The following FGFR2 variants were observed in gnomAD, a reference collection of about 807,000 sequenced individuals.
FGFR2 encodes the protein fibroblast growth factor receptor 2, also known as BEK fibroblast growth factor receptor.
FGFR2 carries 19 observed loss-of-function variants against 95.9 expected under a neutral mutation model. The ratio of observed to expected loss-of-function variants is 0.20; its 90% confidence interval spans 0.14 to 0.29. The LOEUF is 0.29. Ranked by LOEUF, FGFR2 falls within the 10% of genes least tolerant of loss-of-function variation. The pLI, the probability that FGFR2 is intolerant of heterozygous loss-of-function variation, is 1.00. For synonymous variants in FGFR2, 392 were observed against 393.3 expected (o/e 1.00, Z 0.04); for missense variants, 707 against 1,056.9 (o/e 0.67, Z 4.59).
At chr10:121,526,119 T>C (rs1851336175) in intron 6 of FGFR2, 1 of 398,482 alleles carries the variant, frequency 2.5e-6, no homozygotes, top group African/African-American at 2.1e-5. Flanking sequence ...TAACCTCGCT[T>C]GCTCTGTCTT....
At chr10:121,536,195 G>A (rs1852796104) in intron 6 of FGFR2, among the ~76,000 whole-genome samples, 1 of 152,176 alleles carries the variant, frequency 6.6e-6, no homozygotes, top group Admixed American at 6.5e-5. Flanking sequence ...ACGTCTATAT[G>A]AGCCTCTTTA....
Position 121,518,712 on chromosome 10 carries a change from C to G in FGFR2, c.940-1249G>C, listed in dbSNP as rs774261262. On this transcript the variant is annotated intron_variant, in intron 7 of 17. Transcript: ENST00000358487. This position sits in a 1 kb window ranked among gnomAD's most constrained non-coding sequence, Gnocchi z 4.0. ...TGTTTTGGCAGGACAGTGAGCCAGG[C>G]AGACTGGTTGGCCTGCCCTATATAA... 6.2e-7 allele frequency: 1 copy of G among 1,614,208 alleles called. No homozygotes were observed. The highest frequency in any genetic ancestry group is 8.5e-7 in the Non-Finnish European group (1 of 1,180,042).
At chr10:121,536,876 C>T (rs1040168509) in intron 6 of FGFR2, among the ~76,000 whole-genome samples, 2 of 152,122 alleles carry the variant, frequency 1.3e-5, no homozygotes, top group African/African-American at 4.8e-5. Context: ...CAATAAATTA[C>T]TTAATTTCAA....
chr10:121,551,363 T>G lies in FGFR2; in HGVS notation c.551A>C (p.Asn184Thr), dbSNP rs202212545. The change falls in exon 5 of 18, where the codon AAC becomes ACC. Residue 184 changes from asparagine (N) to threonine (T), a missense_variant. Asn to Thr is a moderately conservative substitution (Grantham distance 65, BLOSUM62 0). Around this residue, in one of 7 missense-constraint regions of FGFR2, gnomAD observed 139 missense variants for 278.1 expected, o/e 0.50. Transcript: ENST00000358487. Reference protein sequence around the residue: ...TVKFRCPAGGNPMPTMRWLKN... With the variant: ...TVKFRCPAGGTPMPTMRWLKN... ...CAGCCACCGCATGGTTGGCATTGGG[T>G]TCCCCCCGGCTGGGCAGCGAAACTT... 3.1e-6 allele frequency: 5 copies of G among 1,614,196 alleles called. No homozygotes were observed. The highest frequency in any genetic ancestry group is 3.4e-6 in the Non-Finnish European group (4 of 1,180,034).
chr10:121,555,675 G>A (rs187570678), intron 4 of FGFR2, among the ~76,000 whole-genome samples: 115 of 152,288 alleles, frequency 7.6e-4, no homozygotes, highest in Non-Finnish European at 1.2e-4. Flanking sequence ...GAATGAGCTG[G>A]TTAAAGAACA....
At chr10:121,585,513 T>A (rs1393095648) in intron 2 of FGFR2, among the ~76,000 whole-genome samples, 1 of 152,230 alleles carries the variant, frequency 6.6e-6, no homozygotes, top group East Asian at 1.9e-4. Flanking sequence ...CATTTGCATT[T>A]AATCTGCACA....
intron 4 of FGFR2, among the ~76,000 whole-genome samples, chr10:121,564,133 C>T (rs1289903585): frequency 6.6e-6 from 1 of 152,168 alleles, no homozygotes; most frequent in Non-Finnish European, 1.5e-5. Flanking sequence ...CAGTCACACA[C>T]CACTGGATTA....
intron 2 of FGFR2, among the ~76,000 whole-genome samples, chr10:121,592,068 A>G (rs1228900044): frequency 1.3e-5 from 2 of 152,228 alleles, no homozygotes; most frequent in Non-Finnish European, 2.9e-5. Context: ...TGAAAAGCCA[A>G]AATGAAAAAT....
At chr10:121,562,122 G>A (rs573948313) in intron 4 of FGFR2, among the ~76,000 whole-genome samples, 1 of 152,242 alleles carries the variant, frequency 6.6e-6, no homozygotes, top group African/African-American at 2.4e-5. Flanking sequence ...GCAGCTAGGT[G>A]GTTTCCTACA....
At chr10:121,562,467 C>T (rs1251115140) in intron 4 of FGFR2, among the ~76,000 whole-genome samples, 3 of 152,134 alleles carry the variant, frequency 2.0e-5, no homozygotes, top group African/African-American at 7.2e-5. Context: ...GTATTTTTAG[C>T]AGAGACAGGG....
At chr10:121,496,852 T>C (rs377431403) in intron 12 of FGFR2, 130 bp from the exon 13 acceptor site, 357 of 795,478 alleles carry the variant, frequency 4.5e-4, no homozygotes, top group Non-Finnish European at 6.5e-4. Flanking sequence ...ATACAGCGGC[T>C]GGGCGTGGTG....
At chr10:121,563,192 G>A (rs1857214508) in intron 4 of FGFR2, among the ~76,000 whole-genome samples, 1 of 152,164 alleles carries the variant, frequency 6.6e-6, no homozygotes, top group African/African-American at 2.4e-5. Context: ...TAGCCAACAT[G>A]GTGAAACCCC....
In FGFR2 at chr10:121,515,006, T is replaced by C. The variant is rs908702992; in HGVS notation, c.1287+111A>G. The C allele has an allele frequency of 4.9e-6, 5 of 1,019,054 alleles. No individual in the cohort carries two copies. In the African/African-American group the frequency reaches 7.9e-5, roughly 16 times the overall value. The allele number at this position is 1,019,054 out of a possible 1,614,324, so 63.1% of individuals were successfully genotyped here. On this transcript the variant is annotated intron_variant, in intron 9 of 17. Transcript: ENST00000358487. The stretch of plus-strand genomic sequence containing the variant: ...CCGCCAAGCATCACACCAGAATCAC[T>C]CGCACATGGAAGCTCACAGAAGTCG...
intron 4 of FGFR2, among the ~76,000 whole-genome samples, chr10:121,559,242 A>C (rs1292870813): frequency 6.6e-6 from 1 of 152,212 alleles, no homozygotes; most frequent in Non-Finnish European, 1.5e-5. Context: ...TTTTCAGACA[A>C]TCAGAAGGCA....
intron 2 of FGFR2, among the ~76,000 whole-genome samples, chr10:121,592,755 G>A (rs367648478): frequency 9.2e-5 from 14 of 152,234 alleles, no homozygotes; most frequent in South Asian, 4.2e-4. Context: ...GACACCACTC[G>A]GACTGCTGCG....
intron 4 of FGFR2, among the ~76,000 whole-genome samples, chr10:121,556,793 A>T (rs1856228996): frequency 6.6e-6 from 1 of 152,182 alleles, no homozygotes; most frequent in South Asian, 2.1e-4. Context: ...TCCAGCTCCT[A>T]GATTAAGTCT....
chr10:121,503,282 A>G (rs1847836672), intron 10 of FGFR2, among the ~76,000 whole-genome samples: 1 of 152,266 alleles, frequency 6.6e-6, no homozygotes, highest in Admixed American at 6.5e-5. Context: ...AATATTATGG[A>G]TCACAGAAAT....
intron 6 of FGFR2, among the ~76,000 whole-genome samples, chr10:121,527,462 A>C (rs1851527492): frequency 6.6e-6 from 1 of 152,200 alleles, no homozygotes; most frequent in South Asian, 2.1e-4. Context: ...TGGTTTGGGG[A>C]TGATGGAAAA....
At chr10:121,560,363 C>T (rs530502660) in intron 4 of FGFR2, among the ~76,000 whole-genome samples, 189 of 152,144 alleles carry the variant, frequency 1.2e-3, no homozygotes, top group Non-Finnish European at 2.0e-3. Flanking sequence ...GCCTGTAATC[C>T]CAGCACTTTG....
Sources: gnomAD v4.1 joint callset for allele counts (sites outside exome capture counted in the v4.1 genomes callset) on GRCh38, gnomAD v4.1.1 for gene constraint, gnomAD v4.1.1 regional missense constraint, Gnocchi (gnomAD v3.1) non-coding constraint, MANE v1.5 for transcripts, NCBI Gene and HGNC (gene_info 2026-07-23, HGNC 2026-07-21) for gene names.